Variants in TOX3 observed in about 807,000 individuals in gnomAD.
The protein encoded by TOX3 is CAG trinucleotide repeat-containing gene F9 protein.
Under a neutral mutation model 64.3 loss-of-function variants are expected in TOX3, and 22 were observed. That is an observed-to-expected ratio of 0.34 (90% CI 0.24 to 0.49). The LOEUF (loss-of-function observed/expected upper bound fraction) is 0.49. Ranked by LOEUF, TOX3 falls within the 20% of genes least tolerant of loss-of-function variation. TOX3 has a pLI of 0.99. For missense variants in TOX3, 661 were observed against 714.4 expected (o/e 0.93, Z 0.85); for synonymous variants, 291 against 273.6 (o/e 1.06, Z -0.63).
intron 1 of TOX3, among the ~76,000 whole-genome samples, chr16:52,520,094 T>C (rs759130171): frequency 6.6e-6 from 1 of 152,098 alleles, no homozygotes. Flanking sequence ...ACATGTCCCA[T>C]ATATCTAATT....
intron 1 of TOX3, among the ~76,000 whole-genome samples, chr16:52,517,003 A>G (rs2151476231): frequency 6.6e-6 from 1 of 152,336 alleles, no homozygotes; most frequent in African/African-American, 2.4e-5. Flanking sequence ...GGACACTCAA[A>G]TATTAACCAT....
chr16:52,538,321 T>C (rs1419285772), intron 1 of TOX3, among the ~76,000 whole-genome samples: 1 of 152,222 alleles, frequency 6.6e-6, no homozygotes, highest in Non-Finnish European at 1.5e-5. Flanking sequence ...ATTTTGAACT[T>C]CTACTTCCTA....
chr16:52,516,412 T>C (rs957566558), intron 1 of TOX3, among the ~76,000 whole-genome samples: 1 of 152,164 alleles, frequency 6.6e-6, no homozygotes, highest in African/African-American at 2.4e-5. Flanking sequence ...GAAAAATCTG[T>C]CTCATTCATC....
intron 1 of TOX3, among the ~76,000 whole-genome samples, chr16:52,481,636 AGC>A (rs1961370748): frequency 6.6e-6 from 1 of 152,230 alleles, no homozygotes; most frequent in South Asian, 2.1e-4. Context: ...AGTCTAAGAT[AGC>A]TGATAAGAAA....
At chr16:52,473,712 C>G (rs16951204) in intron 1 of TOX3, among the ~76,000 whole-genome samples, 25,364 of 152,070 alleles carry the variant, frequency 0.17, 2,926 homozygotes, top group East Asian at 0.62. Flanking sequence ...TGATGATTAT[C>G]GTGGATGGGT....
chr16:52,483,013 A>T (rs1006852874), intron 1 of TOX3, among the ~76,000 whole-genome samples: 1 of 152,164 alleles, frequency 6.6e-6, no homozygotes, highest in African/African-American at 2.4e-5. Context: ...TAAACCCCGT[A>T]TAATAGGGCC....
intron 3 of TOX3, among the ~76,000 whole-genome samples, chr16:52,454,175 C>A (rs1960444923): frequency 6.6e-6 from 1 of 152,006 alleles, no homozygotes; most frequent in African/African-American, 2.4e-5. Context: ...CATCATCCCC[C>A]TTTAACAAAA....
intron 1 of TOX3, among the ~76,000 whole-genome samples, chr16:52,493,719 C>A: frequency 6.6e-6 from 1 of 152,148 alleles, no homozygotes; most frequent in East Asian, 1.9e-4. Flanking sequence ...CTCATCTAAA[C>A]AGTCTTTGCT....
At chr16:52,457,907 T>TA (rs924606374) in intron 3 of TOX3, among the ~76,000 whole-genome samples, 2 of 152,138 alleles carry the variant, frequency 1.3e-5, no homozygotes, top group African/African-American at 4.8e-5. Flanking sequence ...GAAAGTTTTG[T>TA]AAAAAACAGT....
intron 1 of TOX3, among the ~76,000 whole-genome samples, chr16:52,473,150 C>G (rs1322260048): frequency 6.6e-5 from 10 of 152,108 alleles, no homozygotes; most frequent in Non-Finnish European, 2.9e-5. Flanking sequence ...ATTGTTAAGT[C>G]TAGCTAGTCC....
chr16:52,480,242 A>T (rs1179505432), intron 1 of TOX3, among the ~76,000 whole-genome samples: 1 of 152,218 alleles, frequency 6.6e-6, no homozygotes, highest in African/African-American at 2.4e-5. Context: ...TTCTGTGCAC[A>T]TGATGCAGCC....
intron 1 of TOX3, among the ~76,000 whole-genome samples, chr16:52,487,240 G>A (rs1411089068): frequency 2.0e-5 from 3 of 151,004 alleles, no homozygotes; most frequent in South Asian, 4.2e-4. Flanking sequence ...CATGCATGGC[G>A]CCAAGCTCAC....
chr16:52,490,446 A>G (rs11649553), intron 1 of TOX3, among the ~76,000 whole-genome samples: 3,879 of 152,112 alleles, frequency 0.026, 133 homozygotes, highest in East Asian at 0.19. Flanking sequence ...TTTATATTGC[A>G]TTGTTTAAAA....
At chr16:52,518,671 T>A (rs1962519610) in intron 1 of TOX3, among the ~76,000 whole-genome samples, 1 of 152,236 alleles carries the variant, frequency 6.6e-6, no homozygotes, top group Admixed American at 6.5e-5. Flanking sequence ...ATCTACATTA[T>A]CTTGATAAAA....
chr16:52,463,828 C>A (rs1367875555), intron 3 of TOX3, 106 bp downstream of exon 3: 5 of 1,334,002 alleles, frequency 3.7e-6, no homozygotes, highest in Non-Finnish European at 4.9e-6. Flanking sequence ...TAGAATCAAT[C>A]CACTAGGAAC....
At chr16:52,481,050 A>G (rs1402572690) in intron 1 of TOX3, among the ~76,000 whole-genome samples, 4 of 152,204 alleles carry the variant, frequency 2.6e-5, no homozygotes, top group African/African-American at 4.8e-5. Context: ...CCAAAGCATC[A>G]ACAGAGACTG....
At chr16:52,462,589 G>T (rs1444352899) in intron 3 of TOX3, among the ~76,000 whole-genome samples, 1 of 152,046 alleles carries the variant, frequency 6.6e-6, no homozygotes, top group East Asian at 1.9e-4. Flanking sequence ...GAGCCTCTCT[G>T]AGCATCTATG....
At chr16:52,456,045 G>A (rs1257577618) in intron 3 of TOX3, among the ~76,000 whole-genome samples, 2 of 152,172 alleles carry the variant, frequency 1.3e-5, no homozygotes, top group Non-Finnish European at 2.9e-5. Context: ...GGAAATGACA[G>A]TCCAGTGTGA....
At chr16:52,536,216 G>A (rs1030462421) in intron 1 of TOX3, among the ~76,000 whole-genome samples, 1 of 152,072 alleles carries the variant, frequency 6.6e-6, no homozygotes, top group African/African-American at 2.4e-5. Context: ...GAATAATCAA[G>A]AAATTCAAAT....
Sources: allele counts gnomAD v4.1 joint callset (sites outside exome capture counted in the v4.1 genomes callset), GRCh38; gene constraint gnomAD v4.1.1; transcripts MANE v1.5; gene names NCBI Gene and HGNC (gene_info 2026-07-23, HGNC 2026-07-21).